ARFGEF1: variants seen among roughly 807,000 people sequenced by gnomAD.
The protein encoded by ARFGEF1 is brefeldin A-inhibited guanine nucleotide-exchange protein 1.
Under a neutral mutation model 231.0 loss-of-function variants are expected in ARFGEF1, and 42 were observed. The ratio of observed to expected loss-of-function variants is 0.18; its 90% CI spans 0.14 to 0.24. The LOEUF (loss-of-function observed/expected upper bound fraction) is 0.24, where lower values mean the gene tolerates loss of function less well. Among genes scored for constraint, ARFGEF1 ranks in the 10% least tolerant of loss-of-function variants. ARFGEF1 has a pLI of 1.00. For missense variants in ARFGEF1, 1,345 were observed against 2,192.0 expected (o/e 0.61, Z 7.72); for synonymous variants, 710 against 732.3 (o/e 0.97, Z 0.49).
chr8:67,275,610 T>A (rs777843391), intron 9 of ARFGEF1, among the ~76,000 whole-genome samples: 1 of 152,114 alleles, frequency 6.6e-6, no homozygotes, highest in Non-Finnish European at 1.5e-5. Flanking sequence ...GAAATAAGAA[T>A]TCATTAATTC....
chr8:67,208,629 CAAAA>C (rs1226322166), intron 34 of ARFGEF1, among the ~76,000 whole-genome samples: 6 of 50,544 alleles, frequency 1.2e-4, no homozygotes, highest in African/African-American at 3.6e-4. Flanking sequence ...GACTCCATCT[CAAAA>C]AAAAAAAAAA....
intron 14 of ARFGEF1, 73 bp from the exon 15 acceptor site, chr8:67,259,999 T>A: frequency 1.1e-6 from 1 of 939,604 alleles, no homozygotes; most frequent in Non-Finnish European, 1.6e-6. Context: ...TAAACCACAG[T>A]AAATTTTCTA....
chr8:67,339,478 G>T (rs1209573316), intron 1 of ARFGEF1, among the ~76,000 whole-genome samples: 3 of 152,008 alleles, frequency 2.0e-5, no homozygotes, highest in African/African-American at 4.8e-5. Context: ...CTGAAACTTA[G>T]AGGCCTTACT....
intron 26 of ARFGEF1, 38 bp from the exon 27 acceptor site, chr8:67,227,347 G>T (rs562241897): frequency 1.2e-6 from 2 of 1,600,164 alleles, no homozygotes; most frequent in East Asian, 2.2e-5. Flanking sequence ...TATGCAAACC[G>T]ATAAAACTCA....
At chr8:67,311,836 G>A (rs1487853276) in intron 1 of ARFGEF1, among the ~76,000 whole-genome samples, 2 of 152,208 alleles carry the variant, frequency 1.3e-5, no homozygotes, top group East Asian at 1.9e-4. Context: ...TCGGATGGTT[G>A]CCGTGTCTGT....
intron 7 of ARFGEF1, among the ~76,000 whole-genome samples, chr8:67,281,335 CAT>C (rs1360842956): frequency 6.6e-6 from 1 of 151,740 alleles, no homozygotes; most frequent in Non-Finnish European, 1.5e-5. Flanking sequence ...GATGAAAAGT[CAT>C]AAAAAAATCA....
At chr8:67,195,678 C>T (rs762646043), downstream of ARFGEF1, 9 of 1,198,406 alleles carry the variant, frequency 7.5e-6, no homozygotes, top group Non-Finnish European at 1.1e-5. Context: ...ACTTTTGGCC[C>T]CTACCTGAAA....
chr8:67,281,009 G>A (rs1448459672), intron 7 of ARFGEF1, among the ~76,000 whole-genome samples: 1 of 150,726 alleles, frequency 6.6e-6, no homozygotes, highest in Non-Finnish European at 1.5e-5. Context: ...TAATACACAA[G>A]AGCAAAGTGC....
At position 67,190,695 on chromosome 8, in the gene ARFGEF1, C is replaced by T. The variant is rs1263930446; in HGVS notation, c.560+9701G>A. On this transcript the variant is annotated intron_variant, in intron 5 of 5. Transcript: ENST00000518789. ...CCTGCCATTGAAGATGACGTCCTCCCTCCACCATCACAGTTGCCCTCTGCA... is the reference window on the plus strand; with the variant it reads ...CCTGCCATTGAAGATGACGTCCTCCTTCCACCATCACAGTTGCCCTCTGCA... 1.2e-6 allele frequency: 2 copies of T among 1,613,994 alleles called. No homozygotes were observed. The highest frequency in any genetic ancestry group is 1.7e-6 in the Non-Finnish European group (2 of 1,180,004).
In ARFGEF1 at chr8:67,227,142, A is replaced by T. The variant is rs748333460; in HGVS notation, c.3911T>A (p.Ile1304Asn). The T allele has an allele frequency of 1.2e-6, 2 of 1,611,630 alleles. No homozygotes were observed. The highest frequency in any genetic ancestry group is 1.7e-6 in the Non-Finnish European group (2 of 1,178,472). Residue 1304 changes from isoleucine (I) to asparagine (N), a missense_variant, in exon 27 of 39, where the codon ATT (isoleucine) becomes AAT (asparagine). By Grantham distance (149) the Ile-to-Asn change is moderately radical (BLOSUM62 -3). Coordinates refer to ENST00000262215, the MANE Select transcript of ARFGEF1 (RefSeq NM_006421.5). ...VELAFQTTGHIVTLVFEKHFP... is the reference protein window; with the variant it reads ...VELAFQTTGHNVTLVFEKHFP... ...ACAGCTAAGAGAATACTCACTGACA[A>T]TGTGCCCGGTTGTTTGGAATGCAAG...
intron 4 of ARFGEF1, among the ~76,000 whole-genome samples, chr8:67,297,997 G>A (rs1391784201): frequency 6.6e-6 from 1 of 151,848 alleles, no homozygotes. Flanking sequence ...GTAGAGACAG[G>A]GTCTTGCTGT....
chr8:67,177,070 CAAAAAAAAA>C (rs36084458), intron 5 of ARFGEF1, among the ~76,000 whole-genome samples: 1 of 51,864 alleles, frequency 1.9e-5, no homozygotes, highest in African/African-American at 7.2e-5. Context: ...GACTTAGTCT[CAAAAAAAAA>C]AAAAAAAAAA....
chr8:67,240,360 GACAAT>G, intron 19 of ARFGEF1, 70 bp from the exon 20 acceptor site: 1 of 1,352,702 alleles, frequency 7.4e-7, no homozygotes, highest in South Asian at 1.4e-5. Context: ...AAATCTTTTA[GACAAT>G]ACAAGTTCTG....
intron 19 of ARFGEF1, among the ~76,000 whole-genome samples, chr8:67,246,343 G>A (rs548129014): frequency 6.6e-6 from 1 of 150,636 alleles, no homozygotes; most frequent in African/African-American, 2.5e-5. Context: ...TCATTCTAGA[G>A]GATAGACCAT....
chr8:67,267,020 G>A, intron 12 of ARFGEF1, 36 bp from the exon 13 acceptor site: 1 of 1,608,612 alleles, frequency 6.2e-7, no homozygotes, highest in South Asian at 1.1e-5. Context: ...TTTTTTTAAA[G>A]GTCTTTTAAG....
chr8:67,220,106 G>T (rs945680465), intron 29 of ARFGEF1, among the ~76,000 whole-genome samples: 2 of 152,186 alleles, frequency 1.3e-5, no homozygotes, highest in African/African-American at 4.8e-5. Context: ...CTATATCCCA[G>T]GCACACAGCA....
At chr8:67,257,948 T>C in intron 16 of ARFGEF1, 132 bp from the exon 17 acceptor site, 1 of 1,196,494 alleles carries the variant, frequency 8.4e-7, no homozygotes, top group Non-Finnish European at 1.2e-6. Flanking sequence ...TGGATTTGTT[T>C]TACGACTTCC....
chr8:67,192,074 T>TG (rs199654394), intron 5 of ARFGEF1, among the ~76,000 whole-genome samples: 4,783 of 144,058 alleles, frequency 0.033, 106 homozygotes, highest in Non-Finnish European at 0.048. Flanking sequence ...TTGTTTTTTT[T>TG]TTTGTTTTTT....
At chr8:67,207,344 G>A (rs1034782497) in intron 34 of ARFGEF1, among the ~76,000 whole-genome samples, 4 of 152,152 alleles carry the variant, frequency 2.6e-5, no homozygotes, top group Non-Finnish European at 5.9e-5. Context: ...GCTTCCAGCA[G>A]GGACCCAAAC....
Sources: gnomAD v4.1 joint callset for allele counts (sites outside exome capture counted in the v4.1 genomes callset) on GRCh38, gnomAD v4.1.1 for gene constraint, MANE v1.5 for transcripts, NCBI Gene and HGNC (gene_info 2026-07-23, HGNC 2026-07-21) for gene names.